NCALD: variants seen among roughly 807,000 people sequenced by gnomAD.
The protein encoded by NCALD is neurocalcin delta.
In NCALD, 10 loss-of-function variants were observed where a neutral mutation model predicts 18.6. The ratio of observed to expected loss-of-function variants is 0.54; its 90% CI spans 0.33 to 0.91. The LOEUF is 0.91. NCALD is among the 40% of genes least tolerant of loss of function. The pLI, the probability that NCALD is intolerant of heterozygous loss-of-function variation, is 0.03. For missense variants in NCALD, 184 were observed against 247.6 expected (o/e 0.74, Z 1.72); for synonymous variants, 88 against 87.4 (o/e 1.01, Z -0.04).
chr8:101,830,114 G>A (rs1488305771), intron 4 of NCALD, among the ~76,000 whole-genome samples: 1 of 151,914 alleles, frequency 6.6e-6, no homozygotes. Context: ...GAACTGCAGA[G>A]GTTTGTCTTT....
chr8:101,814,119 T>C (rs1341444008), intron 4 of NCALD, among the ~76,000 whole-genome samples: 1 of 152,040 alleles, frequency 6.6e-6, no homozygotes, highest in Non-Finnish European at 1.5e-5. Flanking sequence ...ATGATCTCAT[T>C]CAGAGTACAG....
intron 4 of NCALD, among the ~76,000 whole-genome samples, chr8:101,856,997 T>G (rs763013568): frequency 5.3e-5 from 8 of 152,052 alleles, no homozygotes; most frequent in Admixed American, 1.3e-4. Flanking sequence ...CACTAATACC[T>G]CTAGTGTATT....
intron 1 of NCALD, among the ~76,000 whole-genome samples, chr8:101,730,622 G>A (rs1208000822): frequency 6.6e-6 from 1 of 151,338 alleles, no homozygotes; most frequent in Non-Finnish European, 1.5e-5. Flanking sequence ...CACTGCCCTT[G>A]TGCTAAGCAT....
intron 4 of NCALD, among the ~76,000 whole-genome samples, chr8:101,857,057 T>C (rs1245925081): frequency 1.3e-5 from 2 of 152,160 alleles, no homozygotes; most frequent in African/African-American, 4.8e-5. Context: ...TTACCTCTAA[T>C]CCCAAGTGTC....
intron 4 of NCALD, among the ~76,000 whole-genome samples, chr8:101,865,917 T>C (rs1252016374): frequency 6.6e-6 from 1 of 152,232 alleles, no homozygotes; most frequent in Non-Finnish European, 1.5e-5. Flanking sequence ...GGTTCTATAA[T>C]AATCTTAGGT....
chr8:101,919,429 A>T (rs1383583563), intron 2 of NCALD, among the ~76,000 whole-genome samples: 1 of 152,212 alleles, frequency 6.6e-6, no homozygotes, highest in Non-Finnish European at 1.5e-5. Context: ...TAAGAATCCT[A>T]GAAGAAAACC....
At chr8:102,074,984 A>T (rs1020562366) in intron 1 of NCALD, among the ~76,000 whole-genome samples, 2 of 152,076 alleles carry the variant, frequency 1.3e-5, no homozygotes, top group South Asian at 2.1e-4. Flanking sequence ...TGGCTGCTAC[A>T]CCTCCATGCA....
chr8:101,713,467 T>A lies in NCALD; in HGVS notation c.378+5785A>T, dbSNP rs536569957. On this transcript the variant is annotated intron_variant, in intron 2 of 3. Coordinates refer to ENST00000220931, the MANE Select transcript of NCALD (RefSeq NM_032041.3). ...GAGATAGAGACACAAAAAAAAACCA[T>A]AAAAAAATCAAGGAATCAAGGAACT... 6.5e-5 allele frequency among the ~76,000 whole-genome samples: 9 copies of A among 138,272 alleles called. No homozygotes were observed. In the East Asian group the frequency reaches 1.7e-3, roughly 26 times the overall value. 90.7% of individuals were successfully genotyped at this position (138,272 alleles called of 152,430 possible).
In NCALD at chr8:102,090,136, GTTTGGCTTTC is replaced by G. The variant is rs561951270; in HGVS notation, c.-210+34091_-210+34100del. Among the ~76,000 whole-genome samples, 303 of 152,278 alleles carry G rather than the reference GTTTGGCTTTC, an allele frequency of 2.0e-3. 3 individuals carry two copies. Among genetic ancestry groups the G allele is most frequent in the African/African-American group, 6.5e-3 (269 of 41,568 alleles). On this transcript the variant is annotated intron_variant, in intron 1 of 6. Coordinates refer to the NCALD transcript ENST00000311028. ...AAAGCATTGTGAAATATGAAATAGTGTTTGGCTTTCTTTGGGTTGTATTTGCATAAATGTG... is the reference window on the plus strand; with the variant it reads ...AAAGCATTGTGAAATATGAAATAGTGTTTGGGTTGTATTTGCATAAATGTG...
Position 101,743,600 on chromosome 8 carries a change from T to C in NCALD, c.-19-23952A>G, listed in dbSNP as rs541103532. 2.0e-5 allele frequency among the ~76,000 whole-genome samples: 3 copies of C among 152,334 alleles called. No homozygotes were observed. In the East Asian group the frequency reaches 5.8e-4, roughly 29 times the overall value. On this transcript the variant is annotated intron_variant, in intron 1 of 3. Transcript: ENST00000220931. ...GGAAAGTGATACTTTCCTCTTGAAC[T>C]TTCCCTGCCTTTCATTCCCTGGACT...
intron 2 of NCALD, among the ~76,000 whole-genome samples, chr8:101,945,923 C>T (rs908244375): frequency 6.6e-6 from 1 of 152,140 alleles, no homozygotes; most frequent in African/African-American, 2.4e-5. Flanking sequence ...TCTGCAGGCA[C>T]AAAGCATTTA....
At chr8:102,110,868 G>A (rs1421270724) in intron 1 of NCALD, among the ~76,000 whole-genome samples, 7 of 151,940 alleles carry the variant, frequency 4.6e-5, no homozygotes, top group African/African-American at 1.7e-4. Flanking sequence ...TAAGTAAACT[G>A]AGGTATAATC....
intron 2 of NCALD, among the ~76,000 whole-genome samples, chr8:102,014,134 A>G (rs576782157): frequency 6.6e-6 from 1 of 152,310 alleles, no homozygotes; most frequent in African/African-American, 2.4e-5. Context: ...GTCTCTGTCC[A>G]TTTGGGCTGC....
At chr8:101,805,444 C>A (rs1813063967) in intron 4 of NCALD, among the ~76,000 whole-genome samples, 3 of 152,200 alleles carry the variant, frequency 2.0e-5, no homozygotes, top group Admixed American at 2.0e-4. Flanking sequence ...AAGGCAGAGA[C>A]TCTACTCTAA....
chr8:101,829,394 T>C (rs189715813), intron 4 of NCALD, among the ~76,000 whole-genome samples: 40 of 152,338 alleles, frequency 2.6e-4, no homozygotes, highest in African/African-American at 8.4e-4. Flanking sequence ...TACAGTGTTA[T>C]AAAGACTCCA....
intron 3 of NCALD, among the ~76,000 whole-genome samples, chr8:101,915,166 T>C (rs868621598): frequency 2.6e-5 from 4 of 152,216 alleles, no homozygotes; most frequent in African/African-American, 7.2e-5. Context: ...TTTGGATGTG[T>C]TCCATAGTCA....
At chr8:101,752,219 G>C (rs1193616430) in intron 1 of NCALD, among the ~76,000 whole-genome samples, 2 of 152,070 alleles carry the variant, frequency 1.3e-5, no homozygotes, top group Non-Finnish European at 2.9e-5. Context: ...ATTCAGTGAA[G>C]TTGAATAGAA....
At chr8:101,823,620 T>C (rs1813810931) in intron 4 of NCALD, among the ~76,000 whole-genome samples, 1 of 152,068 alleles carries the variant, frequency 6.6e-6, no homozygotes, top group African/African-American at 2.4e-5. Flanking sequence ...AAATTCTAAA[T>C]AGGGAGAAGG....
upstream of NCALD, among the ~76,000 whole-genome samples, chr8:101,793,992 G>A (rs568647053): frequency 8.5e-5 from 13 of 152,156 alleles, no homozygotes; most frequent in African/African-American, 3.1e-4. Context: ...AACGTTAATG[G>A]GCAGGCCTGG....
Sources: gnomAD v4.1 joint callset for allele counts (sites outside exome capture counted in the v4.1 genomes callset) on GRCh38, gnomAD v4.1.1 for gene constraint, MANE v1.5 for transcripts, NCBI Gene and HGNC (gene_info 2026-07-23, HGNC 2026-07-21) for gene names.